Variants in TTC34 observed in about 807,000 individuals in gnomAD.
TTC34 encodes tetratricopeptide repeat domain 34.
A neutral mutation model predicts 40.7 loss-of-function variants in TTC34; 44 were observed. That is an observed-to-expected ratio of 1.08 (90% CI 0.85 to 1.39). TTC34 has a LOEUF of 1.39. TTC34 is among the 40% of genes most tolerant of loss of function. TTC34 has a pLI of 0.00. For missense variants in TTC34, 884 were observed against 838.0 expected (o/e 1.05, Z -0.68); for synonymous variants, 422 against 398.6 (o/e 1.06, Z -0.70).
chr1:2,777,851 G>A (rs1401839270), intron 6 of TTC34, among the ~76,000 whole-genome samples: 1 of 152,230 alleles, frequency 6.6e-6, no homozygotes, highest in African/African-American at 2.4e-5. Flanking sequence ...ACAGCGGGAG[G>A]AGGGGACAGG....
At chr1:2,653,783 T>A (rs1228302395) in intron 6 of TTC34, among the ~76,000 whole-genome samples, 25 of 151,186 alleles carry the variant, frequency 1.7e-4, no homozygotes, top group African/African-American at 6.2e-4. Context: ...CAGGCGAGCA[T>A]CTGACAGCCT....
intron 6 of TTC34, among the ~76,000 whole-genome samples, chr1:2,652,755 A>G (rs1570754659): frequency 3.5e-5 from 5 of 141,718 alleles, no homozygotes; most frequent in African/African-American, 8.0e-5. Context: ...AGACTGGAAC[A>G]GCACCCTGCA....
chr1:2,675,066 G>A (rs4648714), intron 6 of TTC34, among the ~76,000 whole-genome samples: 39,678 of 95,480 alleles, frequency 0.42, 4,304 homozygotes, highest in East Asian at 0.52. Context: ...GGAGAGTCAG[G>A]AGCAGTGCCC....
intron 6 of TTC34, among the ~76,000 whole-genome samples, chr1:2,777,697 G>C (rs1355561290): frequency 1.3e-5 from 2 of 151,856 alleles, no homozygotes; most frequent in African/African-American, 2.4e-5. Flanking sequence ...ATGGGGGGGG[G>C]GGCGCAGCAT....
At chr1:2,795,822 A>G (rs913255621) in intron 2 of TTC34, among the ~76,000 whole-genome samples, 2 of 152,202 alleles carry the variant, frequency 1.3e-5, no homozygotes, top group Non-Finnish European at 2.9e-5. Context: ...AGTGGTATTT[A>G]TTCTGTATCT....
At chr1:2,783,628 A>G in exon 6 of TTC34, 2 of 1,447,550 alleles carry the variant, frequency 1.4e-6, no homozygotes, top group East Asian at 2.7e-5. Flanking sequence ...GTCTAGGGCC[A>G]GGTGCACCAA....
At chr1:2,681,965 G>T (rs371097134) in intron 6 of TTC34, among the ~76,000 whole-genome samples, 2 of 59,950 alleles carry the variant, frequency 3.3e-5, no homozygotes, top group East Asian at 4.6e-4. Flanking sequence ...AGCATCTGAC[G>T]GCCTGGAACA....
At chr1:2,764,140 T>A (rs1225481066) in intron 6 of TTC34, among the ~76,000 whole-genome samples, 1 of 139,934 alleles carries the variant, frequency 7.1e-6, no homozygotes, top group Non-Finnish European at 1.6e-5. Context: ...AGAACCCCAC[T>A]CTTCCAGGTG....
intron 3 of TTC34, among the ~76,000 whole-genome samples, chr1:2,788,858 C>T (rs1464740020): frequency 1.3e-5 from 2 of 152,076 alleles, no homozygotes; most frequent in Non-Finnish European, 2.9e-5. Context: ...TTGGGAGGCC[C>T]GGGTGGGAGG....
At chr1:2,751,000 C>A (rs1387208597) in intron 6 of TTC34, among the ~76,000 whole-genome samples, 1 of 97,784 alleles carries the variant, frequency 1.0e-5, no homozygotes, top group African/African-American at 4.6e-5. Context: ...TGGAGCAGCA[C>A]CCACACCGAC....
intron 6 of TTC34, among the ~76,000 whole-genome samples, chr1:2,680,517 G>C (rs1413036702): frequency 2.9e-5 from 4 of 135,888 alleles, no homozygotes; most frequent in African/African-American, 1.0e-4. Flanking sequence ...GCGAGCATCT[G>C]ACAGCCTGGG....
chr1:2,784,961 G>GCTCTGGGCCACTCTGGGCCA (rs36213670), intron 5 of TTC34, among the ~76,000 whole-genome samples: 72 of 151,106 alleles, frequency 4.8e-4, no homozygotes, highest in African/African-American at 1.6e-3. Flanking sequence ...ATGCCAGGCT[G>GCTCTGGGCCACTCTGGGCCA]CTCTGGGCCA....
intron 6 of TTC34, among the ~76,000 whole-genome samples, chr1:2,652,656 A>T (rs4648664): frequency 6.6e-4 from 96 of 145,916 alleles, no homozygotes; most frequent in Middle Eastern, 3.8e-3. Context: ...CCCAGGTGAG[A>T]ACCTGACATC....
intron 6 of TTC34, among the ~76,000 whole-genome samples, chr1:2,685,801 C>G (rs1299385485): frequency 3.3e-5 from 5 of 151,488 alleles, no homozygotes; most frequent in Admixed American, 6.6e-5. Context: ...ACCCACACCC[C>G]CAGGTGAGCA....
intron 6 of TTC34, among the ~76,000 whole-genome samples, chr1:2,751,871 C>G (rs1407375416): frequency 3.1e-5 from 3 of 97,714 alleles, no homozygotes; most frequent in South Asian, 3.6e-4. Flanking sequence ...CATCCGACAG[C>G]CTGGAGCAGC....
rs538753037 is a variant in TTC34 at position 2,687,204 on chromosome 1, C to T, written c.2227-41641G>A. ...CTGAACCCACGGAGCAGCACCCACA[C>T]CTCCCGGCGAGCATCCGACAGCCTG... On this transcript the variant is annotated intron_variant, in intron 6 of 8. Coordinates refer to ENST00000401095, the Ensembl canonical transcript of TTC34. Among the ~76,000 whole-genome samples, 270 of 146,182 alleles carry T rather than the reference C, an allele frequency of 1.8e-3. 20 individuals carry two copies. The highest frequency in any genetic ancestry group is 7.0e-3 in the African/African-American group (254 of 36,358).
At chr1:2,644,227 A>T (rs1443980802) in intron 8 of TTC34, 37 bp downstream of exon 8, 4 of 1,509,446 alleles carry the variant, frequency 2.6e-6, no homozygotes, top group Non-Finnish European at 1.8e-6. Flanking sequence ...GTGCTGGGGA[A>T]GGTTGGGGTG....
At chr1:2,764,152 GA>G (rs1641720364) in intron 6 of TTC34, among the ~76,000 whole-genome samples, 1 of 147,014 alleles carries the variant, frequency 6.8e-6, no homozygotes, top group Non-Finnish European at 1.5e-5. Context: ...TTCCAGGTGA[GA>G]ATCTGACGCA....
intron 6 of TTC34, among the ~76,000 whole-genome samples, chr1:2,691,839 T>C (rs970097619): frequency 1.5e-5 from 1 of 64,734 alleles, no homozygotes; most frequent in Non-Finnish European, 3.4e-5. Context: ...GGTGTGCATG[T>C]GATGGTCTGG....
Sources: gnomAD v4.1 joint callset for allele counts (sites outside exome capture counted in the v4.1 genomes callset) on GRCh38, gnomAD v4.1.1 for gene constraint, MANE v1.5 for transcripts, NCBI Gene and HGNC (gene_info 2026-07-23, HGNC 2026-07-21) for gene names.